Variants in CCDC14 observed in about 807,000 individuals in gnomAD.
CCDC14 encodes the protein coiled-coil domain-containing protein 14.
Under a neutral mutation model 81.4 loss-of-function variants are expected in CCDC14, and 71 were observed. The observed-to-expected ratio is 0.87, with a 90% confidence interval of 0.72 to 1.06. CCDC14 has a LOEUF of 1.06. Among genes scored for constraint, CCDC14 ranks in the 50% least tolerant of loss-of-function variants. The probability of loss-of-function intolerance (pLI) is 0.00; values close to 1 mark genes in which losing one functional copy is unlikely to be tolerated. For missense variants in CCDC14, 1,046 were observed against 1,047.3 expected (o/e 1.00, Z 0.02); for synonymous variants, 332 against 364.8 (o/e 0.91, Z 1.03).
chr3:123,944,551 C>T (rs893096618), intron 9 of CCDC14, among the ~76,000 whole-genome samples: 4 of 152,060 alleles, frequency 2.6e-5, no homozygotes, highest in African/African-American at 7.2e-5. Context: ...TTTAGAAGTT[C>T]GTTTCTGCAG....
intron 9 of CCDC14, among the ~76,000 whole-genome samples, chr3:123,941,109 C>T (rs1260314951): frequency 6.6e-6 from 1 of 151,920 alleles, no homozygotes; most frequent in Non-Finnish European, 1.5e-5. Flanking sequence ...TCTTGGCACT[C>T]TCTAGCTCAA....
At chr3:123,893,585 A>G (rs1251745792), downstream of CCDC14, among the ~76,000 whole-genome samples, 1 of 152,170 alleles carries the variant, frequency 6.6e-6, no homozygotes, top group African/African-American at 2.4e-5. Context: ...AAAATAAAAC[A>G]TACTTAGGAA....
chr3:123,910,684 C>T (rs1215865764), downstream of CCDC14, among the ~76,000 whole-genome samples: 1 of 151,926 alleles, frequency 6.6e-6, no homozygotes, highest in African/African-American at 2.4e-5. Context: ...AAGTCAGTAA[C>T]TGAATGAAGA....
chr3:123,948,095 C>T (rs1197050645), intron 7 of CCDC14, among the ~76,000 whole-genome samples: 4 of 152,010 alleles, frequency 2.6e-5, no homozygotes, highest in African/African-American at 7.2e-5. Context: ...GAGGATTAAA[C>T]GATTGGAAAG....
At chr3:123,909,896 A>G (rs2034404094), downstream of CCDC14, among the ~76,000 whole-genome samples, 1 of 152,180 alleles carries the variant, frequency 6.6e-6, no homozygotes, top group Non-Finnish European at 1.5e-5. Flanking sequence ...GAATCACAAC[A>G]TCTGGTTAAG....
intron 12 of CCDC14, among the ~76,000 whole-genome samples, chr3:123,929,055 AC>A (rs2035550842): frequency 6.6e-6 from 1 of 152,182 alleles, no homozygotes; most frequent in Admixed American, 6.5e-5. Flanking sequence ...TAGCAGTATG[AC>A]AAAAAAGATT....
At chr3:123,924,764 T>C (rs1172464774) in intron 12 of CCDC14, among the ~76,000 whole-genome samples, 1 of 152,042 alleles carries the variant, frequency 6.6e-6, no homozygotes, top group Non-Finnish European at 1.5e-5. Context: ...CAAGTGTTGA[T>C]GAAGATGTGG....
the CCDC14 span, among the ~76,000 whole-genome samples, chr3:123,891,704 T>G: frequency 6.6e-6 from 1 of 152,236 alleles, no homozygotes; most frequent in African/African-American, 2.4e-5. Flanking sequence ...AGTTCCAAAC[T>G]TTCCCACATT....
At position 123,913,568 on chromosome 3, in the gene CCDC14, A is replaced by G. The variant is rs2034497901; in HGVS notation, c.*1211T>C. On this transcript the variant is annotated 3_prime_UTR_variant, in exon 13 of 13. Transcript: ENST00000409697. ...AATGGACTCTTGTGTGAAATAGTTTAGAATTCACTTAATAAATTTTTAGAC... is the reference window on the plus strand; with the variant it reads ...AATGGACTCTTGTGTGAAATAGTTTGGAATTCACTTAATAAATTTTTAGAC... 1.0e-6 allele frequency: 1 copy of G among 980,910 alleles called. No individual in the cohort carries two copies. The highest frequency in any genetic ancestry group is 1.7e-5 in the African/African-American group (1 of 57,146). 60.8% of individuals were successfully genotyped at this position (980,910 alleles called of 1,614,324 possible).
chr3:123,896,937 A>G (rs193229870), downstream of CCDC14, among the ~76,000 whole-genome samples: 125 of 152,270 alleles, frequency 8.2e-4, no homozygotes, highest in Admixed American at 7.1e-3. Flanking sequence ...GGGAAAATGT[A>G]TTACCTCCCC....
At chr3:123,916,617 G>T (rs1368636155) in intron 12 of CCDC14, among the ~76,000 whole-genome samples, 6 of 151,956 alleles carry the variant, frequency 3.9e-5, no homozygotes, top group Admixed American at 3.9e-4. Flanking sequence ...AGTTAGAAAT[G>T]GAATTAAATC....
intron 9 of CCDC14, among the ~76,000 whole-genome samples, chr3:123,933,998 C>T (rs377148431): frequency 7.4e-4 from 112 of 152,124 alleles, no homozygotes; most frequent in Middle Eastern, 3.4e-3. Flanking sequence ...ATGGGCCAGG[C>T]GCGGTGGCTC....
chr3:123,934,251 A>G (rs2035924286), intron 9 of CCDC14, among the ~76,000 whole-genome samples: 1 of 129,110 alleles, frequency 7.7e-6, no homozygotes, highest in East Asian at 2.5e-4. Flanking sequence ...CAGCCTGGCG[A>G]AAGAGTGAGA....
chr3:123,923,924 C>T (rs1577244537), intron 12 of CCDC14, among the ~76,000 whole-genome samples: 1 of 148,098 alleles, frequency 6.8e-6, no homozygotes, highest in East Asian at 2.0e-4. Flanking sequence ...TGTCATTTTT[C>T]ACAGAAATAG....
At position 123,944,863 on chromosome 3, in the gene CCDC14, A is replaced by C; in HGVS notation, c.1329T>G (p.Asn443Lys). 6.2e-7 allele frequency: 1 copy of C among 1,610,446 alleles called. No individual in the cohort carries two copies. Among genetic ancestry groups the C allele is most frequent in the Non-Finnish European group, 8.5e-7 (1 of 1,177,700 alleles). Residue 443 changes from asparagine (N) to lysine (K), a missense_variant, in exon 9 of 13, where the codon AAT becomes AAG. Physicochemically the swap from Asn to Lys is moderately conservative, Grantham distance 94. Transcript: ENST00000409697. ...GCAATTCTTACCTTCGTAACTGAGC[A>C]TTCTCACTTCTTAATGGTTGCATGG... ...ALAMQPLRSE[N>K]AQLRRQLRIL... is the part of the protein sequence containing the mutation.
intron 9 of CCDC14, among the ~76,000 whole-genome samples, chr3:123,939,975 A>G (rs923505198): frequency 1.3e-5 from 2 of 152,088 alleles, no homozygotes; most frequent in South Asian, 2.1e-4. Context: ...ATTGCCACTG[A>G]AATGTACACT....
intron 9 of CCDC14, among the ~76,000 whole-genome samples, chr3:123,938,239 A>C (rs886335106): frequency 3.3e-5 from 5 of 151,902 alleles, no homozygotes; most frequent in Non-Finnish European, 5.9e-5. Flanking sequence ...GTGATATCTT[A>C]AGTCTTACAT....
At chr3:123,943,376 ATCTC>A (rs1404091665) in intron 9 of CCDC14, among the ~76,000 whole-genome samples, 1 of 151,886 alleles carries the variant, frequency 6.6e-6, no homozygotes, top group Non-Finnish European at 1.5e-5. Flanking sequence ...AGAAAACAGA[ATCTC>A]TCTCTCTAAC....
chr3:123,911,886 C>T (rs2034454030), downstream of CCDC14, among the ~76,000 whole-genome samples: 1 of 152,094 alleles, frequency 6.6e-6, no homozygotes, highest in East Asian at 1.9e-4. Context: ...TTTTAAGGCA[C>T]TTGACAAGTA....
Sources: gnomAD v4.1 joint callset for allele counts (sites outside exome capture counted in the v4.1 genomes callset) on GRCh38, gnomAD v4.1.1 for gene constraint, MANE v1.5 for transcripts, NCBI Gene and HGNC (gene_info 2026-07-23, HGNC 2026-07-21) for gene names.